SYT16: variants seen among roughly 807,000 people sequenced by gnomAD.
The protein encoded by SYT16 is synaptotagmin-16.
SYT16 carries 42 observed loss-of-function variants against 61.4 expected under a neutral mutation model. The observed-to-expected ratio is 0.68, with a 90% confidence interval of 0.53 to 0.89. The LOEUF is 0.89. Among genes scored for constraint, SYT16 ranks in the 40% least tolerant of loss-of-function variants. SYT16 has a pLI of 0.00. For missense variants in SYT16, 804 were observed against 807.3 expected, an observed-to-expected ratio of 1.00 and a Z score of 0.05; for synonymous variants, 314 against 302.3, an observed-to-expected ratio of 1.04 and a Z score of -0.40.
At chr14:62,094,639 G>A (rs997147695) in intron 7 of SYT16, among the ~76,000 whole-genome samples, 12 of 151,972 alleles carry the variant, frequency 7.9e-5, no homozygotes, top group Admixed American at 1.3e-4. Context: ...CAACGTTCCA[G>A]TTCAGGTTAG....
chr14:61,896,562 T>C (rs2048333738), intron 1 of SYT16, among the ~76,000 whole-genome samples: 1 of 152,138 alleles, frequency 6.6e-6, no homozygotes, highest in East Asian at 1.9e-4. Context: ...CCATTCAGAC[T>C]GAAAATGGGT....
At chr14:61,880,029 C>T (rs751425968) in intron 1 of SYT16, among the ~76,000 whole-genome samples, 31 of 152,186 alleles carry the variant, frequency 2.0e-4, no homozygotes, top group Non-Finnish European at 3.7e-4. Flanking sequence ...GAATCCAGCA[C>T]CCCACTCATG....
At chr14:62,091,896 ATAGAG>A (rs977966200) in intron 7 of SYT16, among the ~76,000 whole-genome samples, 7 of 151,956 alleles carry the variant, frequency 4.6e-5, no homozygotes, top group South Asian at 2.1e-4. Flanking sequence ...TCAAAAGATA[ATAGAG>A]TAAACAGACC....
chr14:62,003,894 G>C (rs1348878221), intron 3 of SYT16, among the ~76,000 whole-genome samples: 1 of 152,176 alleles, frequency 6.6e-6, no homozygotes, highest in Non-Finnish European at 1.5e-5. Flanking sequence ...GTCAGGATGA[G>C]TCAGAATTTA....
intron 4 of SYT16, among the ~76,000 whole-genome samples, chr14:62,070,607 C>G (rs148560059): frequency 6.6e-6 from 1 of 152,320 alleles, no homozygotes; most frequent in African/African-American, 2.4e-5. Context: ...GCAAACAGAA[C>G]AGTACACTAT....
intron 3 of SYT16, among the ~76,000 whole-genome samples, chr14:62,021,472 TA>T (rs2053905431): frequency 7.6e-6 from 1 of 132,292 alleles, no homozygotes; most frequent in African/African-American, 2.7e-5. Flanking sequence ...TTATTATTAT[TA>T]TTTTTTTTTC....
downstream of SYT16, chr14:62,112,573 A>G (rs2057625930): frequency 6.6e-6 from 1 of 152,160 alleles, no homozygotes; most frequent in Admixed American, 6.5e-5. Context: ...AAAATTTTTT[A>G]TGTTAAAAAA....
chr14:62,059,772 A>G (rs538418745), intron 3 of SYT16, among the ~76,000 whole-genome samples: 33 of 114,010 alleles, frequency 2.9e-4, no homozygotes, highest in South Asian at 5.3e-4. Flanking sequence ...GTATATGTAT[A>G]CACATACACA....
chr14:62,013,534 T>A (rs574820976), intron 3 of SYT16, among the ~76,000 whole-genome samples: 1 of 152,318 alleles, frequency 6.6e-6, no homozygotes, highest in African/African-American at 2.4e-5. Context: ...TGATTTGGCT[T>A]CTCTTCTGTC....
In SYT16 at chr14:62,103,502, T is replaced by G. The variant is rs938827670; in HGVS notation, c.*2795T>G. ...CTTTATAGTGTGCCTTCTTTTAGGG[T>G]GTGAGTTTACACTGAATTGAGAAAT... On this transcript the variant is annotated 3_prime_UTR_variant, in exon 8 of 8. Coordinates refer to ENST00000683842, the MANE Select transcript of SYT16 (RefSeq NM_001367656.1). 3.9e-5 allele frequency: 6 copies of G among 152,140 alleles called. No individual in the cohort carries two copies. The highest frequency in any genetic ancestry group is 8.8e-5 in the Non-Finnish European group (6 of 68,028). The allele number at this position is 152,140 out of a possible 1,614,324, so 9.4% of individuals were successfully genotyped here.
At chr14:62,009,176 G>C (rs1278118418) in intron 3 of SYT16, among the ~76,000 whole-genome samples, 1 of 152,138 alleles carries the variant, frequency 6.6e-6, no homozygotes. Flanking sequence ...TTGTCTGTTT[G>C]TTTAGTAGCA....
intron 1 of SYT16, among the ~76,000 whole-genome samples, chr14:61,860,901 G>T (rs548631100): frequency 6.6e-6 from 1 of 152,332 alleles, no homozygotes; most frequent in African/African-American, 2.4e-5. Context: ...AAGTGTTGAG[G>T]AAGTATTCAA....
At chr14:61,994,225 A>G (rs992005121) in intron 2 of SYT16, among the ~76,000 whole-genome samples, 2 of 152,212 alleles carry the variant, frequency 1.3e-5, no homozygotes. Context: ...TAGAGTGATG[A>G]ACGCTTGTAG....
intron 1 of SYT16, among the ~76,000 whole-genome samples, chr14:61,951,271 C>A (rs971703210): frequency 3.3e-5 from 5 of 152,118 alleles, no homozygotes; most frequent in Non-Finnish European, 5.9e-5. Flanking sequence ...TCTAGATGTC[C>A]CATGTACTAC....
chr14:62,071,718 A>C (rs181450835), intron 4 of SYT16, among the ~76,000 whole-genome samples: 1 of 152,302 alleles, frequency 6.6e-6, no homozygotes, highest in East Asian at 1.9e-4. Context: ...TGGTATGCCT[A>C]TTCTCTATTT....
At chr14:61,837,427 CA>C (rs1312251432) in intron 1 of SYT16, among the ~76,000 whole-genome samples, 1 of 151,290 alleles carries the variant, frequency 6.6e-6, no homozygotes, top group African/African-American at 2.4e-5. Context: ...TCAGTAGAGA[CA>C]GGGTTTTGCT....
At chr14:62,053,380 G>T (rs978001785) in intron 3 of SYT16, among the ~76,000 whole-genome samples, 4 of 152,226 alleles carry the variant, frequency 2.6e-5, no homozygotes, top group Admixed American at 1.3e-4. Flanking sequence ...TTACGCTATT[G>T]GTTCCCCTGG....
chr14:61,978,158 T>C (rs2051901210), intron 2 of SYT16, among the ~76,000 whole-genome samples: 1 of 152,194 alleles, frequency 6.6e-6, no homozygotes, highest in South Asian at 2.1e-4. Flanking sequence ...TTTCAAATAA[T>C]ATAACATGCA....
At chr14:61,877,731 A>G (rs1233624765) in intron 1 of SYT16, among the ~76,000 whole-genome samples, 1 of 152,184 alleles carries the variant, frequency 6.6e-6, no homozygotes, top group African/African-American at 2.4e-5. Context: ...GTGTGTACTC[A>G]GGGTCACATG....
Sources: gnomAD v4.1 joint callset for allele counts (sites outside exome capture counted in the v4.1 genomes callset) on GRCh38, gnomAD v4.1.1 for gene constraint, MANE v1.5 for transcripts, NCBI Gene and HGNC (gene_info 2026-07-23, HGNC 2026-07-21) for gene names.